ARHGAP44: variants seen among roughly 807,000 people sequenced by gnomAD.
ARHGAP44 encodes the protein rho GTPase-activating protein 44.
Under a neutral mutation model 106.8 loss-of-function variants are expected in ARHGAP44, and 43 were observed. The observed-to-expected ratio is 0.40, with a 90% CI of 0.32 to 0.52. ARHGAP44 has a LOEUF of 0.52. Among genes scored for constraint, ARHGAP44 ranks in the 20% least tolerant of loss-of-function variants. ARHGAP44 has a pLI of 0.48. For missense variants in ARHGAP44, 866 were observed against 1,050.5 expected, an observed-to-expected ratio of 0.82 and a Z score of 2.43; for synonymous variants, 439 against 410.3, an observed-to-expected ratio of 1.07 and a Z score of -0.85.
intron 1 of ARHGAP44, among the ~76,000 whole-genome samples, chr17:12,834,675 CACAA>C (rs1465315966): frequency 6.6e-6 from 1 of 152,148 alleles, no homozygotes; most frequent in Non-Finnish European, 1.5e-5. Flanking sequence ...CAAAAACATA[CACAA>C]ACAAAGTCCC....
chr17:12,959,079 T>G, intron 16 of ARHGAP44, 182 bp downstream of exon 16: 4 of 706,354 alleles, frequency 5.7e-6, no homozygotes, highest in Non-Finnish European at 9.6e-6. Flanking sequence ...TTGCCGCCCT[T>G]TAGACCAGAG....
intron 1 of ARHGAP44, among the ~76,000 whole-genome samples, chr17:12,806,356 A>G (rs962441989): frequency 6.6e-6 from 1 of 152,170 alleles, no homozygotes; most frequent in Non-Finnish European, 1.5e-5. Flanking sequence ...CTCTTTTAAG[A>G]AAGTAAAATA....
Position 12,841,752 on chromosome 17 carries a change from C to A in ARHGAP44, c.53+51861C>A, listed in dbSNP as rs78429475. On this transcript the variant is annotated intron_variant, in intron 1 of 20. Transcript: ENST00000379672. Reference sequence around the variant, plus strand: ...GGGCATGCTACTTAACCTCTCTGAGCTACAATTTCTTCATTGTTAAAATGG... The same window carrying A: ...GGGCATGCTACTTAACCTCTCTGAGATACAATTTCTTCATTGTTAAAATGG... 8.4e-3 allele frequency among the ~76,000 whole-genome samples: 1,281 copies of A among 152,184 alleles called. 5 individuals carry two copies. The highest frequency in any genetic ancestry group is 0.013 in the Non-Finnish European group (909 of 68,002).
rs146980742 is a variant in ARHGAP44 at position 12,964,163 on chromosome 17, T to G, written c.1523+5266T>G. Reference sequence around the variant, plus strand: ...TTTTTAGTGTCTTTTTTGTTTGGGTTGTTTTACTGTTTTATAGAATAGTGA... The same window carrying G: ...TTTTTAGTGTCTTTTTTGTTTGGGTGGTTTTACTGTTTTATAGAATAGTGA... On this transcript the variant is annotated intron_variant, in intron 16 of 20. Transcript: ENST00000379672. Among the ~76,000 whole-genome samples, 1,214 of 152,376 alleles carry G rather than the reference T, an allele frequency of 8.0e-3. 4 individuals are homozygous for G. Among genetic ancestry groups the G allele is most frequent in the Non-Finnish European group, 0.013 (866 of 68,036 alleles).
intron 3 of ARHGAP44, among the ~76,000 whole-genome samples, chr17:12,904,209 C>T (rs1039453430): frequency 2.6e-5 from 4 of 152,052 alleles, no homozygotes; most frequent in Admixed American, 2.0e-4. Flanking sequence ...CAGGTTCAAG[C>T]GATTCTCCTG....
At chr17:12,874,746 G>C (rs529389069) in intron 1 of ARHGAP44, among the ~76,000 whole-genome samples, 3 of 150,702 alleles carry the variant, frequency 2.0e-5, no homozygotes, top group African/African-American at 7.3e-5. Flanking sequence ...AAAAAAAAAG[G>C]CAGTTGTGCC....
chr17:12,955,810 G>C, intron 13 of ARHGAP44, 57 bp from the exon 14 acceptor site: 1 of 1,086,894 alleles, frequency 9.2e-7, no homozygotes, highest in Non-Finnish European at 1.4e-6. Flanking sequence ...CCAGTCCCCG[G>C]GGGACATGGC....
intron 1 of ARHGAP44, among the ~76,000 whole-genome samples, chr17:12,885,045 C>T (rs2036843284): frequency 6.6e-6 from 1 of 152,132 alleles, no homozygotes; most frequent in Non-Finnish European, 1.5e-5. Context: ...GGACTACAGG[C>T]ACCCACAACC....
chr17:12,920,420 G>A (rs1164153002), intron 6 of ARHGAP44, among the ~76,000 whole-genome samples: 5 of 151,110 alleles, frequency 3.3e-5, no homozygotes, highest in African/African-American at 7.3e-5. Context: ...TTTGGAAGGC[G>A]ATGATGGAGA....
intron 15 of ARHGAP44, among the ~76,000 whole-genome samples, chr17:12,957,119 C>T (rs982710700): frequency 2.6e-5 from 4 of 152,064 alleles, no homozygotes; most frequent in Non-Finnish European, 4.4e-5. Context: ...CCACCACGCC[C>T]GACTAATTTT....
rs1329319970 is a variant in ARHGAP44, at chr17:12,989,891, A to G, written c.2318-141A>G. The G allele has an allele frequency of 1.1e-5, 14 of 1,265,054 alleles. No homozygotes were observed. In the South Asian group the frequency reaches 1.1e-4, roughly 10 times the overall value. 78.4% of individuals were successfully genotyped at this position (1,265,054 alleles called of 1,614,324 possible). A position where few individuals can be genotyped will look rare whatever the true frequency, so the allele number is the denominator to read the frequency against. On this transcript the variant is annotated intron_variant, in intron 20 of 20. Transcript: ENST00000379672. ...ACAACCTGATCGACTGTGCAACACAATGCTTAAACCAACCTCCAAATGATC... is the reference window on the plus strand; with the variant it reads ...ACAACCTGATCGACTGTGCAACACAGTGCTTAAACCAACCTCCAAATGATC...
At chr17:12,894,486 A>G (rs2037145361) in intron 1 of ARHGAP44, among the ~76,000 whole-genome samples, 2 of 152,200 alleles carry the variant, frequency 1.3e-5, no homozygotes, top group African/African-American at 4.8e-5. Flanking sequence ...TCTTGTGGAC[A>G]TAACACTTGG....
chr17:12,916,161 T>C (rs2037907125), intron 5 of ARHGAP44, 150 bp downstream of exon 5: 2 of 653,938 alleles, frequency 3.1e-6, no homozygotes, highest in Non-Finnish European at 5.3e-6. Flanking sequence ...AACCACATGG[T>C]CAAGATTCCC....
chr17:12,870,048 C>CTT (rs3074688), intron 1 of ARHGAP44, among the ~76,000 whole-genome samples: 6,224 of 112,994 alleles, frequency 0.055, 803 homozygotes, highest in African/African-American at 0.18. Flanking sequence ...CAAATACCGT[C>CTT]TTTTTTTTTT....
At chr17:12,888,104 A>C (rs2036935475) in intron 1 of ARHGAP44, among the ~76,000 whole-genome samples, 1 of 151,786 alleles carries the variant, frequency 6.6e-6, no homozygotes, top group Non-Finnish European at 1.5e-5. Context: ...GTTGTTGTTA[A>C]AGTCATTATT....
In ARHGAP44 at chr17:12,958,608, T is replaced by G; in HGVS notation, c.1343-109T>G. ...ATAAGGTGAACCATGGGATGAAATT[T>G]TCTAGGGATGACATACGAGGGAGTG... is the stretch of plus-strand genomic sequence containing the variant. On this transcript the variant is annotated intron_variant, in intron 15 of 20. Transcript: ENST00000379672. The surrounding 1 kb of genome is among the most constrained non-coding windows in gnomAD (Gnocchi z 4.1). 7 of 1,078,316 alleles carry G rather than the reference T, an allele frequency of 6.5e-6. No homozygotes were observed. In the South Asian group the frequency reaches 1.1e-4, roughly 17 times the overall value. The allele number at this position is 1,078,316 out of a possible 1,614,324, so 66.8% of individuals were successfully genotyped here. A position where few individuals can be genotyped will look rare whatever the true frequency, so the allele number is the denominator to read the frequency against.
intron 1 of ARHGAP44, among the ~76,000 whole-genome samples, chr17:12,841,577 G>GTCTCTCTGTC (rs1555546061): frequency 0.017 from 2,054 of 119,556 alleles, 100 homozygotes; most frequent in African/African-American, 0.085. Flanking sequence ...GTGAGACCCT[G>GTCTCTCTGTC]TCTCTCTGTC....
intron 5 of ARHGAP44, among the ~76,000 whole-genome samples, chr17:12,918,067 CT>C (rs1164098756): frequency 1.3e-5 from 2 of 152,220 alleles, no homozygotes; most frequent in Non-Finnish European, 2.9e-5. Context: ...CATCTCCTCG[CT>C]TGGAGCATTC....
At chr17:12,813,913 C>T (rs753080180) in intron 1 of ARHGAP44, among the ~76,000 whole-genome samples, 17 of 152,254 alleles carry the variant, frequency 1.1e-4, no homozygotes, top group Non-Finnish European at 1.8e-4. Flanking sequence ...AACTGTCTGC[C>T]GTCGTGACTC....
Sources: allele counts gnomAD v4.1 joint callset (sites outside exome capture counted in the v4.1 genomes callset), GRCh38; gene constraint gnomAD v4.1.1; non-coding constraint Gnocchi (gnomAD v3.1); transcripts MANE v1.5; gene names NCBI Gene and HGNC (gene_info 2026-07-23, HGNC 2026-07-21).